HPGDS: variants seen among roughly 807,000 people sequenced by gnomAD.
The protein encoded by HPGDS is hematopoietic prostaglandin D synthase.
A neutral mutation model predicts 23.1 loss-of-function variants in HPGDS; 26 were observed. That is an observed-to-expected ratio of 1.13 (90% CI 0.83 to 1.56). The LOEUF is 1.56. Among genes scored for constraint, HPGDS ranks in the 40% most tolerant of loss-of-function variants. The probability of loss-of-function intolerance (pLI) is 0.00; values close to 1 mark genes in which losing one functional copy is unlikely to be tolerated. For synonymous variants in HPGDS, 95 were observed against 77.9 expected (o/e 1.22, Z -1.16); for missense variants, 268 against 236.4 (o/e 1.13, Z -0.88).
At chr4:94,310,652 T>C (rs915837142) in intron 3 of HPGDS, among the ~76,000 whole-genome samples, 1 of 149,516 alleles carries the variant, frequency 6.7e-6, no homozygotes, top group Non-Finnish European at 1.5e-5. Context: ...TTTAAAGTAG[T>C]TTTTTTCCAA....
intron 1 of HPGDS, among the ~76,000 whole-genome samples, chr4:94,339,150 A>T (rs11097414): frequency 0.55 from 83,087 of 152,022 alleles, 23,401 homozygotes; most frequent in Non-Finnish European, 0.62. Context: ...CTTTCTATCA[A>T]ACACAGAAAT....
At chr4:94,312,656 C>T (rs1021627985) in intron 3 of HPGDS, among the ~76,000 whole-genome samples, 4 of 152,014 alleles carry the variant, frequency 2.6e-5, no homozygotes, top group East Asian at 1.9e-4. Context: ...CTATTAGGTC[C>T]ACTTGGTGCA....
intron 2 of HPGDS, among the ~76,000 whole-genome samples, chr4:94,329,992 G>A (rs75408034): frequency 0.011 from 1,633 of 152,266 alleles, 24 homozygotes; most frequent in African/African-American, 0.036. Context: ...CAGGAATGAT[G>A]GTCCCATTTT....
At chr4:94,324,529 C>T (rs1560592353) in intron 2 of HPGDS, among the ~76,000 whole-genome samples, 1 of 152,174 alleles carries the variant, frequency 6.6e-6, no homozygotes, top group Non-Finnish European at 1.5e-5. Flanking sequence ...CACTGATACC[C>T]TTTCTTCCAC....
rs753898546 is a variant in HPGDS, at chr4:94,318,015, A to G, written c.134-50T>C. ...TAACTTCATAACAAAACCAGAAGTT[A>G]TATTACTTCCATTTTTACTGATCAT... On this transcript the variant is annotated intron_variant, in intron 2 of 5. Coordinates refer to ENST00000295256, the MANE Select transcript of HPGDS (RefSeq NM_014485.3). The G allele has an allele frequency of 3.0e-6, 3 of 1,006,626 alleles. No individual in the cohort carries two copies. The East Asian group carries it at 7.3e-5, about 24-fold the overall frequency. The allele number at this position is 1,006,626 out of a possible 1,614,324, so 62.4% of individuals were successfully genotyped here.
chr4:94,315,866 C>T (rs114577354), intron 3 of HPGDS, among the ~76,000 whole-genome samples: 3,775 of 152,274 alleles, frequency 0.025, 106 homozygotes, highest in African/African-American at 0.075. Context: ...AAGGCTTCAG[C>T]TAAAAATTTA....
At chr4:94,312,983 T>A (rs1579432920) in intron 3 of HPGDS, among the ~76,000 whole-genome samples, 1 of 152,282 alleles carries the variant, frequency 6.6e-6, no homozygotes, top group East Asian at 1.9e-4. Context: ...TGTTTTCCAT[T>A]TGCTTGGTAG....
chr4:94,312,513 G>A (rs1245018427), intron 3 of HPGDS, among the ~76,000 whole-genome samples: 1 of 152,126 alleles, frequency 6.6e-6, no homozygotes, highest in Non-Finnish European at 1.5e-5. Context: ...ACAGTTTGTT[G>A]TGATTTCTGT....
intron 2 of HPGDS, among the ~76,000 whole-genome samples, chr4:94,330,028 A>G (rs1756707550): frequency 6.6e-6 from 1 of 152,210 alleles, no homozygotes; most frequent in African/African-American, 2.4e-5. Flanking sequence ...TGTACCTTAA[A>G]CACTGTGTTC....
At position 94,299,507 on chromosome 4, in the gene HPGDS, T is replaced by A. The variant is rs757243967; in HGVS notation, c.573A>T (p.Ile191=). 2.5e-6 allele frequency: 4 copies of A among 1,613,672 alleles called. No homozygotes were observed. In the East Asian group the frequency reaches 8.9e-5, roughly 36 times the overall value. ...AGAGTTTGGTTTGGGGCCTTCGTTT[T>A]ATCCAGTTAGCGACGGCAGGAATGG... ...VQAIPAVANW[I]KRRPQTKL Residue 191 remains isoleucine (I), a synonymous_variant, in exon 6 of 6, where the codon ATA becomes ATT. Coordinates refer to ENST00000295256, the MANE Select transcript of HPGDS (RefSeq NM_014485.3).
In HPGDS at chr4:94,331,373, G is replaced by A. The variant is rs532316063; in HGVS notation, c.133+3124C>T. 1.5e-4 allele frequency among the ~76,000 whole-genome samples: 23 copies of A among 152,206 alleles called. No homozygotes were observed. In the South Asian group the frequency reaches 4.3e-3, roughly 29 times the overall value. On this transcript the variant is annotated intron_variant, in intron 2 of 5. Coordinates refer to ENST00000295256, the MANE Select transcript of HPGDS (RefSeq NM_014485.3). ...TCGCTAAATCATCTTGGTTTCCTCA[G>A]AGTTGCTTTTTTTCTGCTTCTTTGT...
chr4:94,310,538 C>G lies in HPGDS; in HGVS notation c.227-1795G>C, dbSNP rs556163680. On this transcript the variant is annotated intron_variant, in intron 3 of 5. Coordinates refer to ENST00000295256, the MANE Select transcript of HPGDS (RefSeq NM_014485.3). The stretch of plus-strand genomic sequence containing the variant: ...TACCATGCTGTTTTGGTTACTGTAG[C>G]CTTGTAGTATAGTTTGAAGTCGGGT... Among the ~76,000 whole-genome samples, 26 of 152,244 alleles carry G rather than the reference C, an allele frequency of 1.7e-4. No individual in the cohort carries two copies. The East Asian group carries it at 2.9e-3, about 17-fold the overall frequency.
At chr4:94,321,687 T>C (rs189061510) in intron 2 of HPGDS, among the ~76,000 whole-genome samples, 37 of 152,348 alleles carry the variant, frequency 2.4e-4, no homozygotes, top group African/African-American at 8.4e-4. Context: ...GTTTTCTAAA[T>C]ATACAATCAT....
chr4:94,313,163 A>AATTT (rs1161186146), intron 3 of HPGDS, among the ~76,000 whole-genome samples: 1 of 152,130 alleles, frequency 6.6e-6, no homozygotes, highest in Non-Finnish European at 1.5e-5. Context: ...GTTATGTGTG[A>AATTT]ATTTGATCCT....
At chr4:94,302,654 C>T (rs1488192169) in intron 4 of HPGDS, among the ~76,000 whole-genome samples, 5 of 151,904 alleles carry the variant, frequency 3.3e-5, no homozygotes, top group Non-Finnish European at 5.9e-5. Flanking sequence ...TATTTTATTT[C>T]GTAAGGCTAG....
chr4:94,314,512 AG>A (rs1756352172), intron 3 of HPGDS, among the ~76,000 whole-genome samples: 1 of 152,132 alleles, frequency 6.6e-6, no homozygotes, highest in Non-Finnish European at 1.5e-5. Flanking sequence ...TTTGTCTCAG[AG>A]GGGTACCCGG....
At chr4:94,312,369 G>T (rs190476203) in intron 3 of HPGDS, among the ~76,000 whole-genome samples, 3,745 of 152,096 alleles carry the variant, frequency 0.025, 103 homozygotes, top group African/African-American at 0.074. Flanking sequence ...AAAGAACATC[G>T]TTATTTCTGC....
intron 3 of HPGDS, among the ~76,000 whole-genome samples, chr4:94,312,783 A>T (rs1184533407): frequency 6.6e-6 from 1 of 152,170 alleles, no homozygotes; most frequent in Non-Finnish European, 1.5e-5. Flanking sequence ...GTCTCTTTGT[A>T]GGTCTCTAAG....
intron 2 of HPGDS, among the ~76,000 whole-genome samples, chr4:94,330,219 G>A (rs373658977): frequency 3.1e-4 from 47 of 152,312 alleles, no homozygotes; most frequent in East Asian, 2.3e-3. Flanking sequence ...ATGGTCCAGG[G>A]AAGAATGGCA....
Sources: gnomAD v4.1 joint callset for allele counts (sites outside exome capture counted in the v4.1 genomes callset) on GRCh38, gnomAD v4.1.1 for gene constraint, MANE v1.5 for transcripts, NCBI Gene and HGNC (gene_info 2026-07-23, HGNC 2026-07-21) for gene names.